SEMA7A: variants seen among roughly 807,000 people sequenced by gnomAD.
The protein encoded by SEMA7A is semaphorin 7A (JohnMiltonHagen blood group).
A neutral mutation model predicts 67.5 loss-of-function variants in SEMA7A; 21 were observed. The ratio of observed to expected loss-of-function variants is 0.31; its 90% CI spans 0.22 to 0.45. The LOEUF (loss-of-function observed/expected upper bound fraction) is 0.45. Ranked by LOEUF, SEMA7A falls within the 20% of genes least tolerant of loss-of-function variation. SEMA7A has a pLI of 1.00. For synonymous variants in SEMA7A, 364 were observed against 368.5 expected (o/e 0.99, Z 0.14); for missense variants, 774 against 908.6 (o/e 0.85, Z 1.90).
intron 1 of SEMA7A, among the ~76,000 whole-genome samples, chr15:74,419,544 A>G (rs1000891690): frequency 6.6e-6 from 1 of 152,164 alleles, no homozygotes; most frequent in African/African-American, 2.4e-5. Context: ...ACTAGACTAG[A>G]GGAGGAAAGG....
chr15:74,411,663 C>T lies in SEMA7A; in HGVS notation c.1470G>A (p.Leu490=), dbSNP rs2060901936. ...SSQWEVSQVP[L]DLCEVYGGGC... is the part of the protein sequence containing the mutation. ...CCCCGCCATAGACCTCACACAGGTCCAGGGGCACCTGGCTCACCTCCCACT... is the reference window on the plus strand; with the variant it reads ...CCCCGCCATAGACCTCACACAGGTCTAGGGGCACCTGGCTCACCTCCCACT... The change falls in exon 12 of 14, where the codon CTG becomes CTA. Residue 490 remains leucine (L), a synonymous_variant. Coordinates refer to ENST00000261918, the MANE Select transcript of SEMA7A (RefSeq NM_003612.5). This position sits in a 1 kb window ranked among gnomAD's most constrained non-coding sequence, Gnocchi z 4.4. 1 of 1,613,714 alleles carries T rather than the reference C, an allele frequency of 6.2e-7. No individual in the cohort carries two copies. The highest frequency in any genetic ancestry group is 8.5e-7 in the Non-Finnish European group (1 of 1,179,994).
At chr15:74,425,768 C>T (rs1199350108) in intron 1 of SEMA7A, among the ~76,000 whole-genome samples, 1 of 152,192 alleles carries the variant, frequency 6.6e-6, no homozygotes, top group African/African-American at 2.4e-5. Context: ...CTCCCAGTTC[C>T]TCCATGTGCT....
rs374763501 is a variant in SEMA7A at position 74,414,230 on chromosome 15, T to C, written c.1294+317A>G. Among the ~76,000 whole-genome samples the C allele has an allele frequency of 5.3e-5, 8 of 152,322 alleles. No individual in the cohort carries two copies. In the East Asian group the frequency reaches 1.5e-3, roughly 29 times the overall value. On this transcript the variant is annotated intron_variant, in intron 10 of 13. Transcript: ENST00000261918. The surrounding 1 kb of genome is among the most constrained non-coding windows in gnomAD (Gnocchi z 4.1). ...CCCTCCTCCTCATTTGCCACGTCTCTTCCTACCATCTTCTTCCCTGAGTCA... is the reference window on the plus strand; with the variant it reads ...CCCTCCTCCTCATTTGCCACGTCTCCTCCTACCATCTTCTTCCCTGAGTCA...
Position 74,414,779 on chromosome 15 carries a change from T to C in SEMA7A, c.1096-34A>G. ...GGAGAGCAGGCCCAGGTCAGTGGGG[T>C]GGTGGGAGGTGAGGCAGAAGGAGGG... On this transcript the variant is annotated intron_variant, in intron 9 of 13. Transcript: ENST00000261918. This position sits in a 1 kb window ranked among gnomAD's most constrained non-coding sequence, Gnocchi z 4.1. 6.2e-7 allele frequency: 1 copy of C among 1,613,148 alleles called. No individual in the cohort carries two copies. Among genetic ancestry groups the C allele is most frequent in the African/African-American group, 1.3e-5 (1 of 74,762 alleles).
intron 1 of SEMA7A, among the ~76,000 whole-genome samples, chr15:74,425,794 C>T (rs1328918081): frequency 2.0e-5 from 3 of 152,220 alleles, no homozygotes; most frequent in Non-Finnish European, 4.4e-5. Context: ...CAGATATCTA[C>T]CGTAGACAGT....
At chr15:74,419,261 G>C (rs1414720280) in intron 1 of SEMA7A, among the ~76,000 whole-genome samples, 2 of 152,164 alleles carry the variant, frequency 1.3e-5, no homozygotes, top group Non-Finnish European at 2.9e-5. Context: ...GGACCTCTTG[G>C]GGGAACAGAC....
chr15:74,432,252 G>C (rs1356447909), intron 1 of SEMA7A, among the ~76,000 whole-genome samples: 1 of 152,138 alleles, frequency 6.6e-6, no homozygotes, highest in Non-Finnish European at 1.5e-5. Context: ...CAAGGAGACT[G>C]AGGGAAGGCA....
chr15:74,410,896 A>G lies in SEMA7A; in HGVS notation c.1729T>C (p.Trp577Arg). The stretch of plus-strand genomic sequence containing the variant: ...TGCTCCACGTTCTCCTTGTGGCGCC[A>G]TGAGTAGGTGGCGTGGCGGGATTCC... Reference protein sequence around the residue: ...PMESRHATYSWRHKENVEQSC... With the variant: ...PMESRHATYSRRHKENVEQSC... The change falls in exon 14 of 14, where the codon TGG becomes CGG. Residue 577 changes from tryptophan to arginine, a missense_variant. Physicochemically the swap from Trp to Arg is moderately radical, Grantham distance 101 (BLOSUM62 -3). Around this residue, in one of 2 missense-constraint regions of SEMA7A, gnomAD observed 427 missense variants for 555.4 expected, o/e 0.77. Coordinates refer to ENST00000261918, the MANE Select transcript of SEMA7A (RefSeq NM_003612.5). This position sits in a 1 kb window ranked among gnomAD's most constrained non-coding sequence, Gnocchi z 7.5. The G allele has an allele frequency of 6.2e-7, 1 of 1,614,174 alleles. No homozygotes were observed. Among genetic ancestry groups the G allele is most frequent in the Non-Finnish European group, 8.5e-7 (1 of 1,180,030 alleles).
intron 1 of SEMA7A, among the ~76,000 whole-genome samples, chr15:74,428,405 G>A (rs2061059887): frequency 6.6e-6 from 1 of 152,204 alleles, no homozygotes; most frequent in African/African-American, 2.4e-5. Context: ...GGTGATCTCG[G>A]GCCAGTCCCT....
At chr15:74,427,244 T>C (rs2061051329) in intron 1 of SEMA7A, 1 of 985,272 alleles carries the variant, frequency 1.0e-6, no homozygotes, top group Non-Finnish European at 1.2e-6. Flanking sequence ...GCCCTGAAGG[T>C]GAGGACCAGG....
At chr15:74,430,841 C>T (rs944837242) in intron 1 of SEMA7A, among the ~76,000 whole-genome samples, 1 of 152,216 alleles carries the variant, frequency 6.6e-6, no homozygotes, top group Non-Finnish European at 1.5e-5. Flanking sequence ...GAGGTAACAA[C>T]AACCTCCTGC....
rs746051727 is a variant in SEMA7A, at chr15:74,416,642, C to T, written c.734G>A (p.Arg245Gln). The T allele has an allele frequency of 1.1e-5, 17 of 1,613,966 alleles. No homozygotes were observed. Among genetic ancestry groups the T allele is most frequent in the Non-Finnish European group, 1.4e-5 (16 of 1,179,984 alleles). The change falls in exon 7 of 14, where the codon CGA (arginine) becomes CAA (glutamine). Residue 245 changes from arginine (R) to glutamine (Q), a missense_variant. Arg to Gln is a conservative substitution (Grantham distance 43). This residue lies in a region of SEMA7A where 347 missense variants were observed against 353.2 expected (regional missense o/e 0.98). Transcript: ENST00000261918. ...AYDDKIYYFF[R>Q]EDNPDKNPEA... ...AGGATTCTTGTCAGGATTGTCCTCT[C>T]GGAAGAAGTAGTAGATCTTGTCATC...
intron 10 of SEMA7A, 131 bp from the exon 11 acceptor site, chr15:74,412,143 G>A: frequency 1.2e-5 from 13 of 1,099,404 alleles, no homozygotes; most frequent in Non-Finnish European, 1.7e-5. Context: ...GGCAGGGCGA[G>A]GAGAGCGTGA....
Position 74,414,453 on chromosome 15 carries a change from GT to G in SEMA7A, c.1294+93del. The G allele has an allele frequency of 8.0e-7, 1 of 1,250,858 alleles. No homozygotes were observed. Among genetic ancestry groups the G allele is most frequent in the Non-Finnish European group, 1.2e-6 (1 of 868,682 alleles). The allele number at this position is 1,250,858 out of a possible 1,614,324, so 77.5% of individuals were successfully genotyped here. On this transcript the variant is annotated intron_variant, in intron 10 of 13. Coordinates refer to ENST00000261918, the MANE Select transcript of SEMA7A (RefSeq NM_003612.5). This position sits in a 1 kb window ranked among gnomAD's most constrained non-coding sequence, Gnocchi z 4.1. The stretch of plus-strand genomic sequence containing the variant: ...AGTCACTCAATTATTCCTTCCACAT[GT>G]AAAGATCCAACCAGATGTTAACTAC...
chr15:74,416,743 A>G (rs765001873), intron 6 of SEMA7A, 29 bp from the exon 7 acceptor site: 2 of 1,608,532 alleles, frequency 1.2e-6, no homozygotes, highest in Non-Finnish European at 1.7e-6. Flanking sequence ...AGTGGGCGTA[A>G]GGCTGGGAAG....
intron 1 of SEMA7A, among the ~76,000 whole-genome samples, chr15:74,432,468 C>CA (rs1474975639): frequency 2.0e-5 from 3 of 152,168 alleles, no homozygotes; most frequent in African/African-American, 7.2e-5. Flanking sequence ...CTCCCTAACC[C>CA]AGAACCTGGA....
At chr15:74,425,475 T>C (rs939001324) in intron 1 of SEMA7A, among the ~76,000 whole-genome samples, 17 of 151,622 alleles carry the variant, frequency 1.1e-4, no homozygotes, top group Non-Finnish European at 2.4e-4. Context: ...AGATGAGCCC[T>C]TGGAGGCTTC....
At chr15:74,432,474 C>T (rs919868730) in intron 1 of SEMA7A, among the ~76,000 whole-genome samples, 1 of 152,216 alleles carries the variant, frequency 6.6e-6, no homozygotes, top group Non-Finnish European at 1.5e-5. Context: ...AACCCAGAAC[C>T]TGGACTGGTC....
intron 1 of SEMA7A, chr15:74,427,041 C>T (rs2061049486): frequency 5.1e-6 from 1 of 194,836 alleles, no homozygotes; most frequent in Admixed American, 6.5e-5. Context: ...CCTGGATTGA[C>T]CTTCCTCCTT....
Sources: gnomAD v4.1 joint callset for allele counts (sites outside exome capture counted in the v4.1 genomes callset) on GRCh38, gnomAD v4.1.1 for gene constraint, gnomAD v4.1.1 regional missense constraint, Gnocchi (gnomAD v3.1) non-coding constraint, MANE v1.5 for transcripts, NCBI Gene and HGNC (gene_info 2026-07-23, HGNC 2026-07-21) for gene names.